The following HUWE1 variants were observed in gnomAD, a reference collection of about 807,000 sequenced individuals.
HUWE1 encodes HECT, UBA and WWE domain containing E3 ubiquitin protein ligase 1, also known as E3 ubiquitin-protein ligase HUWE1.
In HUWE1, 18 loss-of-function variants were observed where a neutral mutation model predicts 299.4. The observed-to-expected ratio is 0.06, with a 90% CI of 0.04 to 0.09. The LOEUF (loss-of-function observed/expected upper bound fraction) is 0.09, where lower values mean the gene tolerates loss of function less well. Among genes scored for constraint, HUWE1 ranks in the 10% least tolerant of loss-of-function variants. The pLI is 1.00. For missense variants in HUWE1, 1,832 were observed against 3,462.3 expected (o/e 0.53, Z 11.82); for synonymous variants, 1,317 against 1,286.1 (o/e 1.02, Z -0.51).
chrX:53,539,632 C>G lies in HUWE1; in HGVS notation c.11632+25G>C, dbSNP rs111723336. ...CCCAGAGCAGACCACTGGGTTGGGA[C>G]CTGGGCCTTTAGGACACAACTCACC... On this transcript the variant is annotated intron_variant, in intron 75 of 83. Coordinates refer to ENST00000262854, the MANE Select transcript of HUWE1 (RefSeq NM_031407.7). 72,289 of 1,206,839 alleles carry G rather than the reference C, an allele frequency of 0.06. 1,750 individuals carry two copies. Among genetic ancestry groups the G allele is most frequent in the Non-Finnish European group, 0.07 (62,859 of 892,504 alleles).
chrX:53,631,040 G>A lies in HUWE1; in HGVS notation c.763-6C>T. ...ATGTGTGTAAATAACAGCATCTGTAGAGAGATAAGACATACATTTTAAAAA... is the reference window on the plus strand; with the variant it reads ...ATGTGTGTAAATAACAGCATCTGTAAAGAGATAAGACATACATTTTAAAAA... On this transcript the variant is annotated splice_polypyrimidine_tract_variant and splice_region_variant and intron_variant, in intron 11 of 83. Transcript: ENST00000262854. 2 of 1,047,573 alleles carry A rather than the reference G, an allele frequency of 1.9e-6. No individual in the cohort carries two copies. The highest frequency in any genetic ancestry group is 3.7e-5 in the South Asian group (2 of 53,456). 86.3% of individuals were successfully genotyped at this position (1,047,573 alleles called of 1,213,427 possible). A position where few individuals can be genotyped will look rare whatever the true frequency, so the allele number is the denominator to read the frequency against.
rs2063795870 is a variant in HUWE1, at chrX:53,585,086, T to C, written c.4927A>G (p.Lys1643Glu). Reference protein sequence around the residue: ...SNNSTIDSAWKSGETSVRFTA... With the variant: ...SNNSTIDSAWESGETSVRFTA... Reference sequence around the variant, plus strand: ...AATCGCACGCTTGTCTCTCCAGATTTCCAGGCAGAATCAATAGTGCTATTG... The same window carrying C: ...AATCGCACGCTTGTCTCTCCAGATTCCCAGGCAGAATCAATAGTGCTATTG... Residue 1643 changes from lysine (K) to glutamate (E), a missense_variant, in exon 40 of 84, where the codon AAA becomes GAA. Lys to Glu is a moderately conservative substitution (Grantham distance 56). Coordinates refer to ENST00000262854, the MANE Select transcript of HUWE1 (RefSeq NM_031407.7). 2 of 1,210,527 alleles carry C rather than the reference T, an allele frequency of 1.7e-6. No homozygotes were observed. The highest frequency in any genetic ancestry group is 2.2e-5 in the Admixed American group (1 of 45,864).
intron 43 of HUWE1, chrX:53,579,871 C>A (rs1602825835): frequency 1.0e-5 from 1 of 98,480 alleles, no homozygotes; most frequent in Non-Finnish European, 2.1e-5. Context: ...TGTTTATCTG[C>A]TGACCTTCCC....
chrX:53,664,863 A>G (rs2069172697), intron 3 of HUWE1, among the ~76,000 whole-genome samples: 3 of 111,441 alleles, frequency 2.7e-5, no homozygotes, highest in Middle Eastern at 4.6e-3. Flanking sequence ...TAAAGGGGAC[A>G]CCACATAATT....
Position 53,583,815 on chromosome X carries a change from C to T in HUWE1, c.5263G>A (p.Val1755Met). 8.3e-7 allele frequency: 1 copy of T among 1,208,607 alleles called. No individual in the cohort carries two copies. Among genetic ancestry groups the T allele is most frequent in the Non-Finnish European group, 1.1e-6 (1 of 893,771 alleles). The change falls in exon 42 of 84, where the codon GTG (valine) becomes ATG (methionine). Residue 1755 changes from valine (V) to methionine (M), a missense_variant. Val to Met is a conservative substitution (Grantham distance 21). Around this residue, in one of 15 missense-constraint regions of HUWE1, gnomAD observed 50 missense variants for 114.9 expected, o/e 0.44. Transcript: ENST00000262854. ...ACGCAGGCCCGGATTAAAACAGTCA[C>T]CATATCTTCTGTCAAGCCCTGGATC... Reference protein sequence around the residue: ...ILIQGLTEDMVTVLIRACVSM... With the variant: ...ILIQGLTEDMMTVLIRACVSM...
chrX:53,645,913 G>C (rs1472021039), intron 6 of HUWE1, among the ~76,000 whole-genome samples: 1 of 108,171 alleles, frequency 9.2e-6, no homozygotes, highest in Non-Finnish European at 1.9e-5. Context: ...AAGGAAAAGA[G>C]ACAAATACAC....
rs144497829 is a variant in HUWE1 at position 53,649,757 on chromosome X, C to T, written c.46-1447G>A. 4.1e-3 allele frequency among the ~76,000 whole-genome samples: 463 copies of T among 112,054 alleles called. 3 individuals carry two copies. Among genetic ancestry groups the T allele is most frequent in the African/African-American group, 0.014 (444 of 30,859 alleles). On this transcript the variant is annotated intron_variant, in intron 4 of 83. Coordinates refer to ENST00000262854, the MANE Select transcript of HUWE1 (RefSeq NM_031407.7). ...GGACCTACTTGGGTCCAGCATCAAACGTGTTACTTCTATTTCTAATGGAAT... is the reference window on the plus strand; with the variant it reads ...GGACCTACTTGGGTCCAGCATCAAATGTGTTACTTCTATTTCTAATGGAAT...
intron 43 of HUWE1, 65 bp from the exon 44 acceptor site, chrX:53,577,132 A>G (rs782261365): frequency 2.4e-6 from 2 of 846,751 alleles, no homozygotes; most frequent in Non-Finnish European, 3.5e-6. Context: ...GGTTACTAAT[A>G]AAGACTCAGA....
chrX:53,575,608 A>G (rs782030188), intron 45 of HUWE1, 35 bp downstream of exon 45: 4 of 1,191,086 alleles, frequency 3.4e-6, no homozygotes, highest in Admixed American at 4.4e-5. Flanking sequence ...TTGAAAAATG[A>G]GAAGAAAGAT....
chrX:53,624,000 G>A (rs1557014650), intron 19 of HUWE1, among the ~76,000 whole-genome samples: 2 of 112,405 alleles, frequency 1.8e-5, no homozygotes, highest in South Asian at 7.3e-4. Flanking sequence ...TACTACAAAT[G>A]TACTACTTAT....
In HUWE1 at chrX:53,614,872, T is replaced by C. The variant is rs1254153977; in HGVS notation, c.2050-127A>G. 6.0e-6 allele frequency: 3 copies of C among 496,930 alleles called. No homozygotes were observed. The African/African-American group carries it at 7.0e-5, about 12-fold the overall frequency. 41.0% of individuals were successfully genotyped at this position (496,930 alleles called of 1,213,427 possible). ...CCAAACACTTTGTATACATGTTATA[T>C]ACATAATTCCCAGAATATGGTCATT... On this transcript the variant is annotated intron_variant, in intron 22 of 83. Coordinates refer to ENST00000262854, the MANE Select transcript of HUWE1 (RefSeq NM_031407.7).
chrX:53,627,520 A>G lies in HUWE1; in HGVS notation c.1384-5T>C. 8.8e-7 allele frequency: 1 copy of G among 1,131,006 alleles called. No individual in the cohort carries two copies. The allele number at this position is 1,131,006 out of a possible 1,213,427, so 93.2% of individuals were successfully genotyped here. ...TCGGCACAAATCTACTTCATGCTAC[A>G]ATCAAGAGAAAGGTTATAAGAAAAT... is the stretch of plus-strand genomic sequence containing the variant. On this transcript the variant is annotated splice_region_variant and splice_polypyrimidine_tract_variant and intron_variant, in intron 16 of 83. Coordinates refer to ENST00000262854, the MANE Select transcript of HUWE1 (RefSeq NM_031407.7).
At chrX:53,642,434 G>A (rs2067660427) in intron 7 of HUWE1, among the ~76,000 whole-genome samples, 1 of 112,145 alleles carries the variant, frequency 8.9e-6, no homozygotes, top group Non-Finnish European at 1.9e-5. Flanking sequence ...ATACTCCATA[G>A]TGTGCATGTG....
chrX:53,638,801 A>T, intron 7 of HUWE1, among the ~76,000 whole-genome samples: 1 of 112,162 alleles, frequency 8.9e-6, no homozygotes, highest in Middle Eastern at 4.6e-3. Context: ...GACCTAGAGT[A>T]TACCAGACCT....
At chrX:53,642,122 T>TGCAA (rs1557031714) in intron 7 of HUWE1, among the ~76,000 whole-genome samples, 6 of 111,758 alleles carry the variant, frequency 5.4e-5, no homozygotes, top group Non-Finnish European at 9.4e-5. Context: ...TCTTATTGTA[T>TGCAA]TATACTGCAA....
intron 83 of HUWE1, chrX:53,533,771 T>C (rs1484275826): frequency 4.4e-6 from 2 of 453,592 alleles, no homozygotes; most frequent in Admixed American, 3.5e-5. Flanking sequence ...ACGCTGGCCC[T>C]GGAATACACC....
chrX:53,644,819 A>C (rs1253695055), intron 7 of HUWE1, among the ~76,000 whole-genome samples: 1 of 112,036 alleles, frequency 8.9e-6, no homozygotes, highest in African/African-American at 3.2e-5. Context: ...AGTTTGGTAG[A>C]GCTGAACTTT....
chrX:53,548,219 C>T lies in HUWE1; in HGVS notation c.10090G>A (p.Asp3364Asn). Reference sequence around the variant, plus strand: ...CAGGCCTTATTGCCCCTTTCCCGATCACTCTCACAGTTTGTTTCTTTGGTC... The same window carrying T: ...CAGGCCTTATTGCCCCTTTCCCGATTACTCTCACAGTTTGTTTCTTTGGTC... ...QRTKETNCESDRERGNKACSP... is the reference protein window; with the variant it reads ...QRTKETNCESNRERGNKACSP... The change falls in exon 68 of 84, where the codon GAT becomes AAT. Residue 3364 changes from aspartate to asparagine, a missense_variant. Asp to Asn is a conservative substitution (Grantham distance 23). Around this residue, in one of 15 missense-constraint regions of HUWE1, gnomAD observed 80 missense variants for 142.1 expected, o/e 0.56. Transcript: ENST00000262854. 2 of 1,210,148 alleles carry T rather than the reference C, an allele frequency of 1.7e-6. No individual in the cohort carries two copies. Among genetic ancestry groups the T allele is most frequent in the Non-Finnish European group, 2.2e-6 (2 of 894,569 alleles).
intron 8 of HUWE1, among the ~76,000 whole-genome samples, chrX:53,633,663 G>A (rs782364567): frequency 6.2e-5 from 7 of 112,514 alleles, no homozygotes; most frequent in Admixed American, 5.6e-4. Context: ...AAATATAGTT[G>A]CTTCCAGATG....
Sources: allele counts gnomAD v4.1 joint callset (sites outside exome capture counted in the v4.1 genomes callset), GRCh38; gene constraint gnomAD v4.1.1; regional missense constraint gnomAD v4.1.1; transcripts MANE v1.5; gene names NCBI Gene and HGNC (gene_info 2026-07-23, HGNC 2026-07-21).